The following SEC16A variants were observed in gnomAD, a reference collection of about 807,000 sequenced individuals.
SEC16A encodes the protein protein transport protein Sec16A.
A neutral mutation model predicts 221.9 loss-of-function variants in SEC16A; 110 were observed. The observed-to-expected ratio is 0.50, with a 90% CI of 0.42 to 0.58. The LOEUF is 0.58. SEC16A is among the 20% of genes least tolerant of loss of function. SEC16A has a pLI of 0.00. For missense variants in SEC16A, 3,165 were observed against 3,097.8 expected (o/e 1.02, Z -0.52); for synonymous variants, 1,393 against 1,257.7 (o/e 1.11, Z -2.28).
rs372786361 is a variant in SEC16A at position 136,477,421 on chromosome 9, T to C, written c.195A>G (p.Thr65=). 11 of 1,613,836 alleles carry C rather than the reference T, an allele frequency of 6.8e-6. No homozygotes were observed. The highest frequency in any genetic ancestry group is 8.5e-6 in the Non-Finnish European group (10 of 1,179,886). The part of the protein sequence containing the change: ...FAFSRQALQS[T]PLGSSSKSSP... ...TGCTTTTGGACGAACTGCCCAGTGG[T>C]GTACTTTGGAGCGCCTGTCTACTAA... The change falls in exon 3 of 32, where the codon ACA becomes ACG. Residue 65 remains threonine (T), a synonymous_variant. Coordinates refer to ENST00000684901, the MANE Select transcript of SEC16A (RefSeq NM_014866.2).
At position 136,477,458 on chromosome 9, in the gene SEC16A, T is replaced by G. The variant is rs1224393412; in HGVS notation, c.158A>C (p.Asp53Ala). 1.2e-6 allele frequency: 2 copies of G among 1,613,996 alleles called. No individual in the cohort carries two copies. Among genetic ancestry groups the G allele is most frequent in the Admixed American group, 3.3e-5 (2 of 60,020 alleles). The stretch of plus-strand genomic sequence containing the variant: ...CGCCTGTCTACTAAAAGCAAATGGA[T>G]CCGTGACCGGCTGCAACGGGCAAGT... ...PTTCPLQPVT[D>A]PFAFSRQALQ... Residue 53 changes from aspartate to alanine, a missense_variant, in exon 3 of 32, where the codon GAT (aspartate) becomes GCT (alanine). This residue lies in a region of SEC16A where 2,030 missense variants were observed against 1,923.1 expected (regional missense o/e 1.06). Transcript: ENST00000684901.
At position 136,466,505 on chromosome 9, in the gene SEC16A, G is replaced by T; in HGVS notation, c.3930-43C>A. On this transcript the variant is annotated intron_variant, in intron 6 of 31. Coordinates refer to ENST00000684901, the MANE Select transcript of SEC16A (RefSeq NM_014866.2). This position sits in a 1 kb window ranked among gnomAD's most constrained non-coding sequence, Gnocchi z 5.5. ...ACAGAGGCAGAGGAATGGGAGTGCC[G>T]GAGGCCCCGTCCCCATGTGCCACGC... 1 of 1,530,910 alleles carries T rather than the reference G, an allele frequency of 6.5e-7. No individual in the cohort carries two copies. Among genetic ancestry groups the T allele is most frequent in the Non-Finnish European group, 8.8e-7 (1 of 1,133,412 alleles). 94.8% of individuals were successfully genotyped at this position (1,530,910 alleles called of 1,614,324 possible). A position where few individuals can be genotyped will look rare whatever the true frequency, so the allele number is the denominator to read the frequency against.
intron 28 of SEC16A, 49 bp downstream of exon 28, chr9:136,446,806 G>A: frequency 1.3e-6 from 2 of 1,540,250 alleles, no homozygotes; most frequent in Non-Finnish European, 1.7e-6. Flanking sequence ...AGGATGGGGA[G>A]GTGCCTCCTC....
rs763301956 is a variant in SEC16A, at chr9:136,466,528, C to A, written c.3930-66G>T. 3 of 1,451,896 alleles carry A rather than the reference C, an allele frequency of 2.1e-6. No homozygotes were observed. The highest frequency in any genetic ancestry group is 3.6e-4 in the Middle Eastern group (2 of 5,546). The allele number at this position is 1,451,896 out of a possible 1,614,324, so 89.9% of individuals were successfully genotyped here. On this transcript the variant is annotated intron_variant, in intron 6 of 31. Coordinates refer to ENST00000684901, the MANE Select transcript of SEC16A (RefSeq NM_014866.2). The surrounding 1 kb of genome is among the most constrained non-coding windows in gnomAD (Gnocchi z 5.5). ...CCGGAGGCCCCGTCCCCATGTGCCA[C>A]GCAGCTGCCCAGGAGCTGAGACCGA...
chr9:136,466,578 C>T lies in SEC16A; in HGVS notation c.3930-116G>A, dbSNP rs79109610. ...AGACCCCTGGGGCCGAGGCACAACA[C>T]AGCACACCCGACACTCAGGGCCCTC... On this transcript the variant is annotated intron_variant, in intron 6 of 31. Coordinates refer to ENST00000684901, the MANE Select transcript of SEC16A (RefSeq NM_014866.2). The surrounding 1 kb of genome is among the most constrained non-coding windows in gnomAD (Gnocchi z 5.5). The T allele has an allele frequency of 5.1e-5, 48 of 935,128 alleles. No homozygotes were observed. The East Asian group carries it at 9.5e-4, about 19-fold the overall frequency. 57.9% of individuals were successfully genotyped at this position (935,128 alleles called of 1,614,324 possible).
chr9:136,463,167 C>T (rs770333778), intron 11 of SEC16A, 35 bp from the exon 12 acceptor site: 32 of 1,601,744 alleles, frequency 2.0e-5, no homozygotes, highest in South Asian at 3.3e-5. Context: ...AGGAGAACAA[C>T]GGCTCTCAGG....
rs1439205607 is a variant in SEC16A, at chr9:136,448,845, C to T, written c.6313-684G>A. 2.0e-5 allele frequency: 14 copies of T among 713,984 alleles called. No homozygotes were observed. The Admixed American group carries it at 2.2e-4, about 11-fold the overall frequency. 44.2% of individuals were successfully genotyped at this position (713,984 alleles called of 1,614,324 possible). ...AGGTGGGAAGCAGATCCAGAGACAC[C>T]AGGAGGATGGAGGTGGGAGGGAACC... On this transcript the variant is annotated intron_variant, in intron 23 of 31. Coordinates refer to ENST00000684901, the MANE Select transcript of SEC16A (RefSeq NM_014866.2).
chr9:136,454,641 G>A (rs368116010), intron 20 of SEC16A, among the ~76,000 whole-genome samples: 1 of 152,198 alleles, frequency 6.6e-6, no homozygotes, highest in Non-Finnish European at 1.5e-5. Flanking sequence ...CTAGGCCCGA[G>A]TCCCCTCCTC....
Position 136,466,798 on chromosome 9 carries a change from G to T in SEC16A, c.3929+159C>A, listed in dbSNP as rs2132542004. Among the ~76,000 whole-genome samples, 1 of 152,322 alleles carries T rather than the reference G, an allele frequency of 6.6e-6. No homozygotes were observed. The highest frequency in any genetic ancestry group is 6.5e-5 in the Admixed American group (1 of 15,304). The stretch of plus-strand genomic sequence containing the variant: ...AGTCCAAGCTGGGAACCCTGGGAGG[G>T]TCTGCTCCCTCCTTCCTTTCAGACA... On this transcript the variant is annotated intron_variant, in intron 6 of 31. Transcript: ENST00000684901. The surrounding 1 kb of genome is among the most constrained non-coding windows in gnomAD (Gnocchi z 5.5).
chr9:136,477,966 G>A (rs1188583083), intron 2 of SEC16A, among the ~76,000 whole-genome samples: 1 of 152,086 alleles, frequency 6.6e-6, no homozygotes, highest in Non-Finnish European at 1.5e-5. Context: ...TACTCACAGG[G>A]CCCATTGCTG....
intron 21 of SEC16A, 91 bp from the exon 22 acceptor site, chr9:136,453,601 C>T: frequency 1.0e-6 from 1 of 966,576 alleles, no homozygotes; most frequent in Non-Finnish European, 1.6e-6. Flanking sequence ...ACCACCTTCC[C>T]ACCCAGCTAC....
In SEC16A at chr9:136,479,294, G is replaced by C. The variant is rs1393063245; in HGVS notation, c.-191-464C>G. 6.6e-5 allele frequency among the ~76,000 whole-genome samples: 10 copies of C among 152,288 alleles called. No individual in the cohort carries two copies. The East Asian group carries it at 1.7e-3, about 26-fold the overall frequency. On this transcript the variant is annotated intron_variant, in intron 1 of 31. Coordinates refer to ENST00000684901, the MANE Select transcript of SEC16A (RefSeq NM_014866.2). ...TCAGCACCACCCTCATGAACAAACA[G>C]ATAAGTTTAGCCAATCAAAGGAAAA...
intron 3 of SEC16A, among the ~76,000 whole-genome samples, chr9:136,473,539 C>T (rs1038625854): frequency 1.3e-5 from 2 of 152,258 alleles, no homozygotes; most frequent in South Asian, 2.1e-4. Flanking sequence ...CAGCAGCTTG[C>T]GGGACTCCGC....
At position 136,454,200 on chromosome 9, in the gene SEC16A, G is replaced by A; in HGVS notation, c.5985C>T (p.Phe1995=). The change falls in exon 21 of 32, where the codon TTC becomes TTT. Residue 1995 remains phenylalanine, a synonymous_variant. Transcript: ENST00000684901. The part of the protein sequence containing the change: ...GCVTPGPALG[F]LEPSGPGLPP... Reference sequence around the variant, plus strand: ...GGAGGCCAGGCCCGGAGGGCTCCAGGAAGCCAAGTGCAGGCCCTGGGGTCA... The same window carrying A: ...GGAGGCCAGGCCCGGAGGGCTCCAGAAAGCCAAGTGCAGGCCCTGGGGTCA... The A allele has an allele frequency of 6.4e-7, 1 of 1,563,276 alleles. No individual in the cohort carries two copies. The highest frequency in any genetic ancestry group is 8.7e-7 in the Non-Finnish European group (1 of 1,153,750).
intron 23 of SEC16A, among the ~76,000 whole-genome samples, chr9:136,449,511 G>A (rs1436313512): frequency 6.6e-6 from 1 of 152,234 alleles, no homozygotes; most frequent in Non-Finnish European, 1.5e-5. Flanking sequence ...GCATCCCAGA[G>A]TGCTGGGGTG....
At chr9:136,448,785 T>C (rs1353992755) in intron 23 of SEC16A, 1 of 622,776 alleles carries the variant, frequency 1.6e-6, no homozygotes. Flanking sequence ...AGGATGGAGG[T>C]GGGGAGCAGA....
chr9:136,445,542 T>A lies in SEC16A; in HGVS notation c.6867+103A>T, dbSNP rs1453120413. On this transcript the variant is annotated intron_variant, in intron 29 of 31. Transcript: ENST00000684901. ...GAGGTGCTCTTGTTTCTAAACTGCCTCTTCCTACCCAGTACCGCCCCTCCA... is the reference window on the plus strand; with the variant it reads ...GAGGTGCTCTTGTTTCTAAACTGCCACTTCCTACCCAGTACCGCCCCTCCA... 5 of 852,000 alleles carry A rather than the reference T, an allele frequency of 5.9e-6. No individual in the cohort carries two copies. The Admixed American group carries it at 1.4e-4, about 24-fold the overall frequency. The allele number at this position is 852,000 out of a possible 1,614,324, so 52.8% of individuals were successfully genotyped here.
intron 1 of SEC16A, among the ~76,000 whole-genome samples, chr9:136,480,231 G>A (rs1039876983): frequency 1.3e-5 from 2 of 152,124 alleles, no homozygotes; most frequent in South Asian, 2.1e-4. Context: ...CAGACACAGC[G>A]ACACCTGCAA....
In SEC16A at chr9:136,476,158, C is replaced by T. The variant is rs542738859; in HGVS notation, c.1458G>A (p.Gln486=). The change falls in exon 3 of 32, where the codon CAG becomes CAA. Residue 486 remains glutamine, a synonymous_variant. Coordinates refer to ENST00000684901, the MANE Select transcript of SEC16A (RefSeq NM_014866.2). ...LNLDPSSPSD[Q]FRYGPLPGPA... is the part of the protein sequence containing the mutation. Reference sequence around the variant, plus strand: ...GCCCAGGAAGGGGCCCATATCTGAACTGGTCACTCGGGGAGGAAGGGTCCA... The same window carrying T: ...GCCCAGGAAGGGGCCCATATCTGAATTGGTCACTCGGGGAGGAAGGGTCCA... The T allele has an allele frequency of 3.7e-6, 6 of 1,613,796 alleles. No homozygotes were observed. The African/African-American group carries it at 5.3e-5, about 14-fold the overall frequency.
Sources: gnomAD v4.1 joint callset for allele counts (sites outside exome capture counted in the v4.1 genomes callset) on GRCh38, gnomAD v4.1.1 for gene constraint, gnomAD v4.1.1 regional missense constraint, Gnocchi (gnomAD v3.1) non-coding constraint, MANE v1.5 for transcripts, NCBI Gene and HGNC (gene_info 2026-07-23, HGNC 2026-07-21) for gene names.